The following C11orf16 variants were observed in gnomAD, a reference collection of about 807,000 sequenced individuals.
The protein encoded by C11orf16 is uncharacterized protein C11orf16.
C11orf16 carries 38 observed loss-of-function variants against 45.1 expected under a neutral mutation model. The observed-to-expected ratio is 0.84, with a 90% CI of 0.65 to 1.10. The LOEUF (loss-of-function observed/expected upper bound fraction) is 1.10, where lower values mean the gene tolerates loss of function less well. C11orf16 is among the 50% of genes least tolerant of loss of function. The pLI is 0.00. For missense variants in C11orf16, 583 were observed against 569.5 expected, an observed-to-expected ratio of 1.02 and a Z score of -0.24; for synonymous variants, 221 against 222.0, an observed-to-expected ratio of 1.00 and a Z score of 0.04.
intron 5 of C11orf16, among the ~76,000 whole-genome samples, chr11:8,924,382 C>T (rs1194464451): frequency 6.6e-6 from 1 of 152,110 alleles, no homozygotes; most frequent in Non-Finnish European, 1.5e-5. Context: ...AAAAGTTAGC[C>T]AGGCATGGTG....
At position 8,921,371 on chromosome 11, in the gene C11orf16, T is replaced by G. The variant is rs1589930902; in HGVS notation, c.1349A>C (p.His450Pro). The change falls in exon 6 of 7, where the codon CAC becomes CCC. Residue 450 changes from histidine to proline, a missense_variant. Coordinates refer to ENST00000326053, the MANE Select transcript of C11orf16 (RefSeq NM_020643.3). ...PPRTPPGEAE[H>P]RKRSQSLAIC... is the part of the protein sequence containing the mutation. ...TGCAAGGCTCTGACTCCGCTTTCTGTGTTCAGCTTCCCCTGGCGGGGTCCG... is the reference window on the plus strand; with the variant it reads ...TGCAAGGCTCTGACTCCGCTTTCTGGGTTCAGCTTCCCCTGGCGGGGTCCG... 6.2e-7 allele frequency: 1 copy of G among 1,614,222 alleles called. No individual in the cohort carries two copies. The highest frequency in any genetic ancestry group is 8.5e-7 in the Non-Finnish European group (1 of 1,180,040).
intron 4 of C11orf16, among the ~76,000 whole-genome samples, 177 bp downstream of exon 4, chr11:8,926,763 G>A (rs568025954): frequency 6.6e-6 from 1 of 152,160 alleles, no homozygotes; most frequent in Admixed American, 6.5e-5. Flanking sequence ...AAGATACACT[G>A]TGCATCTTGA....
At chr11:8,921,900 C>G in intron 5 of C11orf16, among the ~76,000 whole-genome samples, 1 of 152,186 alleles carries the variant, frequency 6.6e-6, no homozygotes, top group Non-Finnish European at 1.5e-5. Context: ...CTCAGCCTCC[C>G]AAAGTGTTGC....
rs1260113325 is a variant in C11orf16, at chr11:8,925,558, A to T, written c.1109T>A (p.Ile370Asn). The T allele has an allele frequency of 4.3e-6, 7 of 1,614,088 alleles. No individual in the cohort carries two copies. In the African/African-American group the frequency reaches 5.3e-5, roughly 12 times the overall value. ...MVNSAVNTDP[I>N]FLEMPLRQSG... ...CTGTCTCAGAGGCATCTCAAGAAAG[A>T]TGGGATCTGTGTTGACTGCACTGTT... Residue 370 changes from isoleucine (I) to asparagine (N), a missense_variant, in exon 5 of 7, where the codon ATC becomes AAC. Transcript: ENST00000326053.
chr11:8,921,257 GTCC>G lies in C11orf16; in HGVS notation c.*22+34_*22+36del. The G allele has an allele frequency of 7.7e-6, 12 of 1,557,734 alleles. No homozygotes were observed. In the South Asian group the frequency reaches 1.3e-4, roughly 17 times the overall value. ...AAAAGGTCTAAGACCCATGTGAGGA[GTCC>G]TTAGGAAGCCCCTTTCCAGCCATTC... On this transcript the variant is annotated intron_variant, in intron 6 of 6. Transcript: ENST00000326053.
chr11:8,926,605 C>G (rs946892501), intron 4 of C11orf16, among the ~76,000 whole-genome samples: 3 of 152,156 alleles, frequency 2.0e-5, no homozygotes, highest in African/African-American at 7.2e-5. Context: ...ATGGTGCTGA[C>G]TGACCCTGCA....
intron 6 of C11orf16, 101 bp downstream of exon 6, chr11:8,921,193 G>C (rs986326007): frequency 1.3e-5 from 11 of 859,168 alleles, no homozygotes; most frequent in Non-Finnish European, 2.0e-5. Context: ...CTAGGACAAG[G>C]GGTCATAGGT....
At chr11:8,928,638 C>A (rs1435260901) in intron 3 of C11orf16, among the ~76,000 whole-genome samples, 1 of 152,156 alleles carries the variant, frequency 6.6e-6, no homozygotes, top group Non-Finnish European at 1.5e-5. Flanking sequence ...GTAGCTGCGA[C>A]TACAGCCATG....
chr11:8,928,065 G>C (rs1168405146), intron 3 of C11orf16, among the ~76,000 whole-genome samples: 1 of 152,036 alleles, frequency 6.6e-6, no homozygotes, highest in Non-Finnish European at 1.5e-5. Context: ...CCACCACCTG[G>C]CTCAGCTAAT....
chr11:8,924,936 C>T lies in C11orf16; in HGVS notation c.1204+527G>A, dbSNP rs559089020. Among the ~76,000 whole-genome samples, 48 of 152,336 alleles carry T rather than the reference C, an allele frequency of 3.2e-4. No individual in the cohort carries two copies. In the South Asian group the frequency reaches 9.1e-3, roughly 29 times the overall value. On this transcript the variant is annotated intron_variant, in intron 5 of 6. Coordinates refer to ENST00000326053, the MANE Select transcript of C11orf16 (RefSeq NM_020643.3). ...GCAGACTGCCAGCAGCAACAGGACA[C>T]GGCTTCCCTGTTGGCCATGAGGGAT...
intron 2 of C11orf16, among the ~76,000 whole-genome samples, chr11:8,929,979 G>A (rs1020624913): frequency 1.3e-5 from 2 of 152,072 alleles, no homozygotes; most frequent in African/African-American, 4.8e-5. Flanking sequence ...AATTAGCTGG[G>A]TGTGGTGGTG....
intron 5 of C11orf16, among the ~76,000 whole-genome samples, chr11:8,922,699 C>T (rs976705623): frequency 1.1e-4 from 16 of 152,166 alleles, no homozygotes; most frequent in Admixed American, 7.2e-4. Context: ...CTCGACAGAA[C>T]GGATATCAAG....
intron 4 of C11orf16, 37 bp downstream of exon 4, chr11:8,926,903 C>T (rs768769810): frequency 6.4e-7 from 1 of 1,559,714 alleles, no homozygotes; most frequent in South Asian, 1.1e-5. Context: ...AGCCTGGCTC[C>T]TTCTGGGCAC....
At chr11:8,926,853 C>T (rs1449306699) in intron 4 of C11orf16, 87 bp downstream of exon 4, 9 of 1,060,502 alleles carry the variant, frequency 8.5e-6, no homozygotes, top group Non-Finnish European at 4.2e-6. Flanking sequence ...AACCCCTAAG[C>T]TGTAGACGCA....
In C11orf16 at chr11:8,925,960, G is replaced by T; in HGVS notation, c.707C>A (p.Pro236His). The T allele has an allele frequency of 6.2e-7, 1 of 1,614,082 alleles. No homozygotes were observed. Among genetic ancestry groups the T allele is most frequent in the Non-Finnish European group, 8.5e-7 (1 of 1,180,022 alleles). Residue 236 changes from proline to histidine, a missense_variant, in exon 5 of 7, where the codon CCC becomes CAC. Coordinates refer to ENST00000326053, the MANE Select transcript of C11orf16 (RefSeq NM_020643.3). ...AGAGCAGCAAGGGGCCCAGTGAAGG[G>T]GCCTGGGGTGCTCCCTGGTGAAAGA... ...HKSFTREHPR[P>H]LHWAPCCSLL...
intron 5 of C11orf16, among the ~76,000 whole-genome samples, chr11:8,921,764 C>A (rs1227873771): frequency 6.6e-6 from 1 of 152,140 alleles, no homozygotes; most frequent in Non-Finnish European, 1.5e-5. Flanking sequence ...TTCACTACAG[C>A]CCCCAGTAGC....
intron 5 of C11orf16, 131 bp from the exon 6 acceptor site, chr11:8,921,646 G>A: frequency 2.2e-6 from 2 of 892,638 alleles, no homozygotes; most frequent in South Asian, 1.6e-5. Context: ...ATGTATTTGA[G>A]ACAGGGTCTT....
chr11:8,924,607 A>C (rs1372086414), intron 5 of C11orf16, among the ~76,000 whole-genome samples: 3 of 152,128 alleles, frequency 2.0e-5, no homozygotes, highest in Non-Finnish European at 1.5e-5. Flanking sequence ...TCCTAGAAAT[A>C]GGGCTATGGT....
rs1046135561 is a variant in C11orf16, at chr11:8,925,642, C to G, written c.1025G>C (p.Cys342Ser). 2 of 1,614,140 alleles carry G rather than the reference C, an allele frequency of 1.2e-6. No individual in the cohort carries two copies. Among genetic ancestry groups the G allele is most frequent in the Admixed American group, 3.3e-5 (2 of 60,016 alleles). ...ATCATTCTCCACACCGTCTTGTTCA[C>G]AGGAGGAGGATGAGGAGGAAGAAAC... ...LAVSSSSSSS[C>S]EQDGVENDLE... Residue 342 changes from cysteine to serine, a missense_variant, in exon 5 of 7, where the codon TGT becomes TCT. Cys to Ser is a moderately radical substitution (Grantham distance 112). Coordinates refer to ENST00000326053, the MANE Select transcript of C11orf16 (RefSeq NM_020643.3).
Sources: gnomAD v4.1 joint callset for allele counts (sites outside exome capture counted in the v4.1 genomes callset) on GRCh38, gnomAD v4.1.1 for gene constraint, MANE v1.5 for transcripts, NCBI Gene and HGNC (gene_info 2026-07-23, HGNC 2026-07-21) for gene names.